IL4I1: variants seen among roughly 807,000 people sequenced by gnomAD.
IL4I1 encodes the protein L-amino-acid oxidase.
IL4I1 carries 24 observed loss-of-function variants against 29.7 expected under a neutral mutation model. The ratio of observed to expected loss-of-function variants is 0.81; its 90% CI spans 0.59 to 1.14. The LOEUF is 1.14. Among genes scored for constraint, IL4I1 ranks in the 50% most tolerant of loss-of-function variants. IL4I1 has a pLI of 0.00. For synonymous variants in IL4I1, 371 were observed against 352.5 expected (o/e 1.05, Z -0.59); for missense variants, 686 against 785.6 (o/e 0.87, Z 1.52).
chr19:49,892,333 C>T (rs1254666084), intron 5 of IL4I1, among the ~76,000 whole-genome samples: 8 of 152,134 alleles, frequency 5.3e-5, no homozygotes, highest in Non-Finnish European at 7.4e-5. Context: ...CTGCCTGCCT[C>T]GGCCTCCCAA....
At chr19:49,892,895 C>T (rs2075157782) in intron 5 of IL4I1, among the ~76,000 whole-genome samples, 1 of 152,040 alleles carries the variant, frequency 6.6e-6, no homozygotes, top group African/African-American at 2.4e-5. Context: ...CCAGTTCCTC[C>T]CTAAAGGTAT....
chr19:49,897,618 A>G (rs1292418433), upstream of IL4I1, among the ~76,000 whole-genome samples: 1 of 152,136 alleles, frequency 6.6e-6, no homozygotes, highest in African/African-American at 2.4e-5. Flanking sequence ...GGGTTCTATG[A>G]GTGACCACCC....
At position 49,907,966 on chromosome 19, in the gene IL4I1, T is replaced by C. The variant is rs141228323; in HGVS notation, c.-227-3645A>G. The C allele has an allele frequency of 1.4e-3, 841 of 583,818 alleles. 7 individuals are homozygous for C. The African/African-American group carries it at 0.014, about 10-fold the overall frequency. The allele number at this position is 583,818 out of a possible 1,614,324, so 36.2% of individuals were successfully genotyped here. A position where few individuals can be genotyped will look rare whatever the true frequency, so the allele number is the denominator to read the frequency against. On this transcript the variant is annotated intron_variant, in intron 2 of 9. Coordinates refer to the IL4I1 transcript ENST00000341114. ...TCTCCATCACCAGGCTGAGCCAGGA[T>C]GAGGTGGGTGGTCGCAGTAGGTGAA...
chr19:49,890,513 C>G lies in IL4I1; in HGVS notation c.861G>C (p.Val287=). Residue 287 remains valine, a synonymous_variant, in exon 8 of 8, where the codon GTG becomes GTC. Coordinates refer to ENST00000391826, the MANE Select transcript of IL4I1 (RefSeq NM_152899.2). ...LSGLVLLNAP[V]VAMTQGPHDV... ...CGTGCGGTCCCTGGGTCATCGCCAC[C>G]ACGGGCGCGTTCAACAGCACAAGCC... The G allele has an allele frequency of 2.5e-6, 4 of 1,610,296 alleles. No individual in the cohort carries two copies. Among genetic ancestry groups the G allele is most frequent in the Non-Finnish European group, 3.4e-6 (4 of 1,179,550 alleles).
At chr19:49,922,073 GA>G (rs1255460135) in intron 2 of IL4I1, among the ~76,000 whole-genome samples, 5 of 152,176 alleles carry the variant, frequency 3.3e-5, no homozygotes, top group Admixed American at 3.3e-4. Context: ...CCAAACCACA[GA>G]AACGACCAAA....
chr19:49,891,587 A>T, intron 5 of IL4I1, 114 bp from the exon 6 acceptor site: 1 of 885,236 alleles, frequency 1.1e-6, no homozygotes, highest in Non-Finnish European at 1.9e-6. Flanking sequence ...CTGGCCATTC[A>T]CCACTCTCAA....
At chr19:49,908,368 C>A (rs780463655) in intron 2 of IL4I1, 4 of 1,614,188 alleles carry the variant, frequency 2.5e-6, no homozygotes, top group South Asian at 1.1e-5. Context: ...AGTCCATGTG[C>A]GCATTGAGGA....
rs746610162 is a variant in IL4I1 at position 49,907,543 on chromosome 19, T to C, written c.-227-3222A>G. On this transcript the variant is annotated intron_variant, in intron 2 of 9. Coordinates refer to the IL4I1 transcript ENST00000341114. ...TGCTGTCTCCTGGGAGTTTCTTTTTTTTTTTTTTTTTTTTTGAGACAGAGT... is the reference window on the plus strand; with the variant it reads ...TGCTGTCTCCTGGGAGTTTCTTTTTCTTTTTTTTTTTTTTTGAGACAGAGT... The C allele has an allele frequency of 5.0e-3, 1,907 of 379,944 alleles. 40 individuals carry two copies. The highest frequency in any genetic ancestry group is 0.039 in the African/African-American group (1,739 of 44,564). The allele number at this position is 379,944 out of a possible 1,614,324, so 23.5% of individuals were successfully genotyped here. A position where few individuals can be genotyped will look rare whatever the true frequency, so the allele number is the denominator to read the frequency against.
chr19:49,889,990 A>G lies in IL4I1; in HGVS notation c.1384T>C (p.Trp462Arg), dbSNP rs2075108078. ...GTCCAGTCATCCTTTTCGGTTTGCCAGAGCGCCGGCGGCTGTACCACAAAG... is the reference window on the plus strand; with the variant it reads ...GTCCAGTCATCCTTTTCGGTTTGCCGGAGCGCCGGCGGCTGTACCACAAAG... ...GGFVVQPPAL[W>R]QTEKDDWTVP... The change falls in exon 8 of 8, where the codon TGG becomes CGG. Residue 462 changes from tryptophan (W) to arginine (R), a missense_variant. By Grantham distance (101) the Trp-to-Arg change is moderately radical (BLOSUM62 -3). Transcript: ENST00000391826. 2 of 1,562,698 alleles carry G rather than the reference A, an allele frequency of 1.3e-6. No homozygotes were observed. The highest frequency in any genetic ancestry group is 1.7e-6 in the Non-Finnish European group (2 of 1,153,854).
upstream of IL4I1, among the ~76,000 whole-genome samples, chr19:49,897,135 CG>C (rs1456539556): frequency 2.0e-5 from 3 of 152,182 alleles, no homozygotes; most frequent in African/African-American, 7.2e-5. Context: ...GTGCCAACAA[CG>C]GGGAATCCCC....
intron 2 of IL4I1, among the ~76,000 whole-genome samples, chr19:49,910,483 T>C (rs1270006655): frequency 6.6e-6 from 1 of 152,144 alleles, no homozygotes; most frequent in African/African-American, 2.4e-5. Flanking sequence ...CTGAAACCCA[T>C]GTGCTCAGAG....
chr19:49,917,471 C>T (rs930125035), intron 2 of IL4I1: 1 of 152,300 alleles, frequency 6.6e-6, no homozygotes, highest in East Asian at 1.9e-4. Flanking sequence ...CTGAAGTCAA[C>T]TGACCAACAC....
chr19:49,901,081 G>C (rs1378231567), upstream of IL4I1, among the ~76,000 whole-genome samples: 2 of 152,144 alleles, frequency 1.3e-5, no homozygotes, highest in Non-Finnish European at 1.5e-5. Flanking sequence ...TAAGTGGTCA[G>C]TATTAAAAGT....
intron 4 of IL4I1, 60 bp downstream of exon 4, chr19:49,895,008 G>C: frequency 7.7e-7 from 1 of 1,304,090 alleles, no homozygotes; most frequent in South Asian, 1.2e-5. Flanking sequence ...CTCTGGTGTG[G>C]GCATGGAGCT....
upstream of IL4I1, among the ~76,000 whole-genome samples, chr19:49,899,335 C>T (rs1020590236): frequency 6.6e-6 from 1 of 152,100 alleles, no homozygotes; most frequent in Admixed American, 6.5e-5. Context: ...GCACAAAACT[C>T]CTCTGGCCCC....
chr19:49,919,706 C>T (rs1180890317), intron 2 of IL4I1, among the ~76,000 whole-genome samples: 4 of 152,142 alleles, frequency 2.6e-5, no homozygotes, highest in African/African-American at 9.7e-5. Flanking sequence ...CAATTTTCCC[C>T]ACAGGAAAAA....
At chr19:49,896,713 C>G in intron 1 of IL4I1, 122 bp downstream of exon 1, 1 of 537,924 alleles carries the variant, frequency 1.9e-6, no homozygotes, top group East Asian at 1.5e-4. Context: ...GGATTCCAGG[C>G]ATGAGCCCCC....
At chr19:49,920,129 C>G (rs1001526587) in intron 2 of IL4I1, among the ~76,000 whole-genome samples, 6 of 152,010 alleles carry the variant, frequency 3.9e-5, no homozygotes, top group Non-Finnish European at 8.8e-5. Flanking sequence ...TGTCATCAGG[C>G]TGGAGTGCAG....
At position 49,891,402 on chromosome 19, in the gene IL4I1, T is replaced by A. The variant is rs773785924; in HGVS notation, c.636+3A>T. On this transcript the variant is annotated splice_donor_region_variant and intron_variant, in intron 6 of 7. Transcript: ENST00000391826. ...TCTCAGCAGAACCAAGATCCCCACT[T>A]ACCAAGAGCGTGTGCCTTTCAAACT... 1 of 1,613,908 alleles carries A rather than the reference T, an allele frequency of 6.2e-7. No individual in the cohort carries two copies. Among genetic ancestry groups the A allele is most frequent in the South Asian group, 1.1e-5 (1 of 91,076 alleles).
Sources: gnomAD v4.1 joint callset for allele counts (sites outside exome capture counted in the v4.1 genomes callset) on GRCh38, gnomAD v4.1.1 for gene constraint, MANE v1.5 for transcripts, NCBI Gene and HGNC (gene_info 2026-07-23, HGNC 2026-07-21) for gene names.